CGGBP1: variants seen among roughly 807,000 people sequenced by gnomAD.
CGGBP1 encodes CGG triplet repeat binding protein 1.
Under a neutral mutation model 11.4 loss-of-function variants are expected in CGGBP1, and 4 were observed. The observed-to-expected ratio is 0.35, with a 90% CI of 0.17 to 0.80. The LOEUF is 0.80. CGGBP1 is among the 30% of genes least tolerant of loss of function. The pLI is 0.52. For missense variants in CGGBP1, 135 were observed against 202.1 expected, an observed-to-expected ratio of 0.67 and a Z score of 2.01; for synonymous variants, 76 against 74.1, an observed-to-expected ratio of 1.03 and a Z score of -0.13.
chr3:88,117,464 T>C (rs1705480688), intron 2 of CGGBP1, among the ~76,000 whole-genome samples: 1 of 152,064 alleles, frequency 6.6e-6, no homozygotes, highest in Non-Finnish European at 1.5e-5. Flanking sequence ...GTTTATAAGA[T>C]AGAGCAACAG....
In CGGBP1 at chr3:88,082,578, G is replaced by A. The variant is rs181347246; in HGVS notation, c.-228-24355C>T. Among the ~76,000 whole-genome samples the A allele has an allele frequency of 5.4e-3, 830 of 152,314 alleles. 5 individuals are homozygous for A. The highest frequency in any genetic ancestry group is 0.017 in the African/African-American group (702 of 41,568). ...GTCTTCAAGGAGGAAAGAATAATACGGACGTGAATAGCCAACTAATAGAAA... is the reference window on the plus strand; with the variant it reads ...GTCTTCAAGGAGGAAAGAATAATACAGACGTGAATAGCCAACTAATAGAAA... On this transcript the variant is annotated intron_variant, in intron 2 of 3. Transcript: ENST00000462901.
chr3:88,113,594 T>A (rs1275901913), intron 2 of CGGBP1, among the ~76,000 whole-genome samples: 4 of 152,102 alleles, frequency 2.6e-5, no homozygotes, highest in Non-Finnish European at 5.9e-5. Context: ...ACAGAAGATT[T>A]TTTTTTATTT....
chr3:88,086,142 C>T, intron 2 of CGGBP1: 1 of 856,802 alleles, frequency 1.2e-6, no homozygotes, highest in Non-Finnish European at 1.8e-6. Flanking sequence ...CCTCCAGTCA[C>T]CTGTGTTCAT....
intron 2 of CGGBP1, among the ~76,000 whole-genome samples, chr3:88,108,465 C>T (rs1474108342): frequency 2.6e-5 from 4 of 152,196 alleles, no homozygotes; most frequent in East Asian, 1.9e-4. Context: ...TCACTTTCTG[C>T]GGTTTGTTAC....
intron 2 of CGGBP1, among the ~76,000 whole-genome samples, chr3:88,096,527 T>G (rs1256583648): frequency 6.6e-6 from 1 of 152,160 alleles, no homozygotes; most frequent in African/African-American, 2.4e-5. Context: ...ACCTTTGTTT[T>G]GGAAGACATT....
intron 3 of CGGBP1, chr3:88,056,588 A>G (rs1030571899): frequency 1.3e-5 from 2 of 152,210 alleles, no homozygotes; most frequent in African/African-American, 4.8e-5. Context: ...TAAATTGTAA[A>G]GCCAAAATAT....
chr3:88,142,049 A>G (rs972042553), intron 1 of CGGBP1: 3 of 160,996 alleles, frequency 1.9e-5, no homozygotes, highest in African/African-American at 7.2e-5. Context: ...ACAATATTAA[A>G]CCATTTAAAG....
At chr3:88,105,707 T>C (rs1470462567) in intron 2 of CGGBP1, among the ~76,000 whole-genome samples, 3 of 152,226 alleles carry the variant, frequency 2.0e-5, no homozygotes, top group African/African-American at 7.2e-5. Context: ...TTTTTTTGAC[T>C]AAACTAATAA....
chr3:88,114,037 T>C (rs1433825039), intron 2 of CGGBP1, among the ~76,000 whole-genome samples: 1 of 152,188 alleles, frequency 6.6e-6, no homozygotes, highest in Non-Finnish European at 1.5e-5. Flanking sequence ...TCTTAAACTT[T>C]TACTTGGCAA....
At chr3:88,064,969 A>T (rs1365696985) in intron 2 of CGGBP1, among the ~76,000 whole-genome samples, 2 of 152,258 alleles carry the variant, frequency 1.3e-5, no homozygotes, top group Non-Finnish European at 2.9e-5. Context: ...TGTGGTGAAT[A>T]TCCAGAGCTA....
At chr3:88,104,013 C>T (rs992459816) in intron 2 of CGGBP1, among the ~76,000 whole-genome samples, 5 of 151,968 alleles carry the variant, frequency 3.3e-5, no homozygotes, top group Admixed American at 1.3e-4. Context: ...CCACCTGCCT[C>T]GGCCTCTGCT....
chr3:88,086,685 T>A (rs1327064855), intron 2 of CGGBP1, among the ~76,000 whole-genome samples: 2 of 152,210 alleles, frequency 1.3e-5, no homozygotes, highest in African/African-American at 2.4e-5. Flanking sequence ...GAAGCTCTAA[T>A]GGTAAGTCCC....
intron 2 of CGGBP1, among the ~76,000 whole-genome samples, chr3:88,073,163 T>C (rs1336228193): frequency 6.6e-6 from 1 of 152,106 alleles, no homozygotes; most frequent in Non-Finnish European, 1.5e-5. Flanking sequence ...CTGCAAACTA[T>C]TAGCAGTACA....
chr3:88,125,750 C>G (rs1411043702), intron 2 of CGGBP1, among the ~76,000 whole-genome samples: 2 of 152,188 alleles, frequency 1.3e-5, no homozygotes, highest in Non-Finnish European at 2.9e-5. Context: ...CCCTACCACG[C>G]TCTCTTTTTC....
chr3:88,111,837 ATC>A (rs1458969760), intron 2 of CGGBP1, among the ~76,000 whole-genome samples: 9 of 152,094 alleles, frequency 5.9e-5, no homozygotes, highest in Non-Finnish European at 8.8e-5. Flanking sequence ...AGAATACATC[ATC>A]TCTTTTATTT....
intron 2 of CGGBP1, among the ~76,000 whole-genome samples, chr3:88,124,707 A>G (rs1241870714): frequency 2.6e-5 from 4 of 151,556 alleles, no homozygotes; most frequent in African/African-American, 9.7e-5. Context: ...TTAATATCAG[A>G]GATTTTGTGA....
intron 2 of CGGBP1, among the ~76,000 whole-genome samples, chr3:88,068,707 G>C (rs1344662276): frequency 2.0e-5 from 3 of 152,098 alleles, no homozygotes; most frequent in Non-Finnish European, 4.4e-5. Flanking sequence ...ATTGTGATAA[G>C]TTGTTTACCT....
intron 2 of CGGBP1, among the ~76,000 whole-genome samples, chr3:88,110,159 G>A (rs186818768): frequency 2.5e-3 from 388 of 152,240 alleles, no homozygotes; most frequent in African/African-American, 9.1e-3. Flanking sequence ...TGCTTTTCAA[G>A]AGGTAGTTAC....
In CGGBP1 at chr3:88,086,476, TCTG is replaced by T. The variant is rs770085536; in HGVS notation, c.-228-28256_-228-28254del. 10 of 1,261,558 alleles carry T rather than the reference TCTG, an allele frequency of 7.9e-6. No individual in the cohort carries two copies. In the South Asian group the frequency reaches 2.0e-4, roughly 25 times the overall value. 78.1% of individuals were successfully genotyped at this position (1,261,558 alleles called of 1,614,324 possible). A position where few individuals can be genotyped will look rare whatever the true frequency, so the allele number is the denominator to read the frequency against. On this transcript the variant is annotated intron_variant, in intron 2 of 3. Transcript: ENST00000462901. Reference sequence around the variant, plus strand: ...TGAGAATTTGTTTTTGATAATTTCTTCTGAAGAAGAAACCTTTCCTAAAGTATT... The same window carrying T: ...TGAGAATTTGTTTTTGATAATTTCTTAAGAAGAAACCTTTCCTAAAGTATT...
Sources: gnomAD v4.1 joint callset for allele counts (sites outside exome capture counted in the v4.1 genomes callset) on GRCh38, gnomAD v4.1.1 for gene constraint, MANE v1.5 for transcripts, NCBI Gene and HGNC (gene_info 2026-07-23, HGNC 2026-07-21) for gene names.